Variants in PSG5 observed in about 807,000 individuals in gnomAD.
PSG5 encodes the protein pregnancy-specific beta-1-glycoprotein 5.
PSG5 carries 53 observed loss-of-function variants against 37.7 expected under a neutral mutation model. That is an observed-to-expected ratio of 1.41 (90% confidence interval 1.13 to 1.77). The LOEUF (loss-of-function observed/expected upper bound fraction) is 1.77, where lower values mean the gene tolerates loss of function less well. PSG5 is among the 40% of genes most tolerant of loss of function. PSG5 has a pLI of 0.00. For synonymous variants in PSG5, 221 were observed against 155.4 expected (o/e 1.42, Z -3.14); for missense variants, 547 against 405.2 (o/e 1.35, Z -3.00).
intron 2 of PSG5, among the ~76,000 whole-genome samples, chr19:43,182,187 C>G (rs1969142402): frequency 6.6e-6 from 1 of 151,722 alleles, no homozygotes; most frequent in African/African-American, 2.4e-5. Flanking sequence ...CCTTACTTTG[C>G]CCAGGGATGG....
chr19:43,169,021 T>G (rs945726449), intron 5 of PSG5, among the ~76,000 whole-genome samples: 17 of 151,666 alleles, frequency 1.1e-4, no homozygotes, highest in African/African-American at 2.2e-4. Flanking sequence ...ACCAATGCCT[T>G]GGTCCCTCTC....
chr19:43,173,956 A>G (rs62112143), intron 4 of PSG5, among the ~76,000 whole-genome samples: 2 of 151,712 alleles, frequency 1.3e-5, no homozygotes, highest in Non-Finnish European at 2.9e-5. Flanking sequence ...AAAAAATGGA[A>G]ACAACTGAAA....
chr19:43,181,188 C>G (rs1210895772), intron 2 of PSG5, among the ~76,000 whole-genome samples: 1 of 151,592 alleles, frequency 6.6e-6, no homozygotes, highest in Non-Finnish European at 1.5e-5. Flanking sequence ...CTGGCCACCT[C>G]CAACTGGTCC....
rs199530974 is a variant in PSG5 at position 43,175,321 on chromosome 19, G to C, written c.858C>G (p.Leu286=). 101 of 1,612,738 alleles carry C rather than the reference G, an allele frequency of 6.3e-5. 1 individual carries two copies. Among genetic ancestry groups the C allele is most frequent in the Non-Finnish European group, 8.0e-5 (94 of 1,179,248 alleles). Residue 286 remains leucine, a synonymous_variant, in exon 4 of 6, where the codon CTC becomes CTG. Transcript: ENST00000342951. The part of the protein sequence containing the change: ...NGKFQQSGQK[L]SIPQITTKHR... The stretch of plus-strand genomic sequence containing the variant: ...GCTTTGTAGTAATTTGGGGGATAGA[G>C]AGCTTTTGTCCTGATTGCTGAAACT...
intron 4 of PSG5, among the ~76,000 whole-genome samples, chr19:43,173,129 C>A (rs1462467327): frequency 6.6e-6 from 1 of 151,576 alleles, no homozygotes; most frequent in Non-Finnish European, 1.5e-5. Context: ...GGGGAACGGA[C>A]AGTGTTCTCA....
rs755484292 is a variant in PSG5, at chr19:43,186,336, C to T, written c.64+6G>A. On this transcript the variant is annotated splice_donor_region_variant and intron_variant, in intron 1 of 5. Coordinates refer to ENST00000342951, the MANE Select transcript of PSG5 (RefSeq NM_002781.4). ...CCTGTCCTCTCCCAGGAAGTTCTCT[C>T]CTCACCTGTGAGCAGGAGCCCCTTC... 13 of 1,612,078 alleles carry T rather than the reference C, an allele frequency of 8.1e-6. No individual in the cohort carries two copies. Among genetic ancestry groups the T allele is most frequent in the East Asian group, 4.5e-5 (2 of 44,796 alleles).
rs749037550 is a variant in PSG5, at chr19:43,184,892, A to C, written c.320T>G (p.Leu107Arg). The C allele has an allele frequency of 6.2e-7, 1 of 1,612,654 alleles. No homozygotes were observed. The highest frequency in any genetic ancestry group is 8.5e-7 in the Non-Finnish European group (1 of 1,179,196). Residue 107 changes from leucine to arginine, a missense_variant, in exon 2 of 6, where the codon CTG becomes CGG. Coordinates refer to ENST00000342951, the MANE Select transcript of PSG5 (RefSeq NM_002781.4). ...TTCCCGGGTGACATTCTGGATCAGC[A>C]GGGATGCATTGGAATATACTGTTTC... ...GRETVYSNAS[L>R]LIQNVTREDA...
intron 2 of PSG5, among the ~76,000 whole-genome samples, chr19:43,178,137 TC>T (rs1969050646): frequency 6.6e-6 from 1 of 151,612 alleles, no homozygotes; most frequent in Non-Finnish European, 1.5e-5. Flanking sequence ...ATTTTCCCTC[TC>T]CCTTTGCAGA....
In PSG5 at chr19:43,185,858, C is replaced by CCCTGATGATTAATCAGGAAAA. The variant is rs1213028599; in HGVS notation, c.64+483_64+484insTTTTCCTGATTAATCATCAGG. On this transcript the variant is annotated intron_variant, in intron 1 of 5. Transcript: ENST00000342951. ...TTATCATTTTTCAAAATGTCGTGGC[C>CCCTGATGATTAATCAGGAAAA]CTCTTACCAATTCCGGTTCAATATG... Among the ~76,000 whole-genome samples, 43 of 142,070 alleles carry CCCTGATGATTAATCAGGAAAA rather than the reference C, an allele frequency of 3.0e-4. 2 individuals carry two copies. The highest frequency in any genetic ancestry group is 4.2e-4 in the Admixed American group (6 of 14,316). The allele number at this position is 142,070 out of a possible 152,430, so 93.2% of individuals were successfully genotyped here. A position where few individuals can be genotyped will look rare whatever the true frequency, so the allele number is the denominator to read the frequency against.
At chr19:43,169,895 C>T (rs954077623) in intron 5 of PSG5, 160 bp downstream of exon 5, 7 of 464,970 alleles carry the variant, frequency 1.5e-5, no homozygotes, top group African/African-American at 1.2e-4. Flanking sequence ...AGCATAAAGG[C>T]CAGGGAGAAA....
At chr19:43,174,431 C>A (rs968607731) in intron 4 of PSG5, 3 of 825,428 alleles carry the variant, frequency 3.6e-6, no homozygotes, top group Non-Finnish European at 4.4e-6. Flanking sequence ...CATGCAGAGC[C>A]CCAGGGGTGA....
intron 2 of PSG5, among the ~76,000 whole-genome samples, chr19:43,177,504 G>GC (rs1969035467): frequency 6.7e-6 from 1 of 149,962 alleles, no homozygotes; most frequent in African/African-American, 2.5e-5. Flanking sequence ...ATATATTCCT[G>GC]CCCTTTTTTT....
Position 43,175,973 on chromosome 19 carries a change from G to T in PSG5, c.606C>A (p.Leu202=). The change falls in exon 3 of 6, where the codon CTC becomes CTA. Residue 202 remains leucine (L), a synonymous_variant. Transcript: ENST00000342951. Reference sequence around the variant, plus strand: ...CATTTCTCGTGACACTGGGTAGAATGAGGATCCTGTTTTCAATGGGTCGCT... The same window carrying T: ...CATTTCTCGTGACACTGGGTAGAATTAGGATCCTGTTTTCAATGGGTCGCT... ...RVKRPIENRI[L]ILPSVTRNET... 2 of 1,611,926 alleles carry T rather than the reference G, an allele frequency of 1.2e-6. No homozygotes were observed. Among genetic ancestry groups the T allele is most frequent in the Non-Finnish European group, 1.7e-6 (2 of 1,179,168 alleles).
chr19:43,174,144 A>G (rs1382679187), intron 4 of PSG5: 2 of 151,766 alleles, frequency 1.3e-5, no homozygotes, highest in Non-Finnish European at 1.5e-5. Context: ...TTCCATTTAT[A>G]AAAGATAGTT....
chr19:43,185,509 G>T lies in PSG5; in HGVS notation c.65-362C>A, dbSNP rs186634885. Among the ~76,000 whole-genome samples, 79 of 149,320 alleles carry T rather than the reference G, an allele frequency of 5.3e-4. 2 individuals carry two copies. Among genetic ancestry groups the T allele is most frequent in the Admixed American group, 4.6e-3 (68 of 14,896 alleles). On this transcript the variant is annotated intron_variant, in intron 1 of 5. Coordinates refer to ENST00000342951, the MANE Select transcript of PSG5 (RefSeq NM_002781.4). Reference sequence around the variant, plus strand: ...CTTCTTTCCTGACACGTCCTTCAGAGACCCTGGGTCTTCCCTTTCTGACCT... The same window carrying T: ...CTTCTTTCCTGACACGTCCTTCAGATACCCTGGGTCTTCCCTTTCTGACCT...
chr19:43,171,143 A>G (rs2122201392), intron 4 of PSG5: 1 of 151,706 alleles, frequency 6.6e-6, no homozygotes, highest in South Asian at 2.1e-4. Context: ...GAAGCTTATC[A>G]TGGTGTAAAA....
intron 2 of PSG5, among the ~76,000 whole-genome samples, chr19:43,181,464 C>A (rs1333678823): frequency 4.6e-5 from 7 of 151,478 alleles, no homozygotes; most frequent in Admixed American, 4.0e-4. Flanking sequence ...TCTCTAACAG[C>A]ATTTTTTTTT....
intron 2 of PSG5, among the ~76,000 whole-genome samples, chr19:43,176,499 A>G (rs1177654752): frequency 6.6e-6 from 1 of 151,528 alleles, no homozygotes; most frequent in Non-Finnish European, 1.5e-5. Context: ...GGAATGTGCA[A>G]CTGCTGGGCC....
chr19:43,176,564 C>T (rs1184139487), intron 2 of PSG5, among the ~76,000 whole-genome samples: 4 of 151,598 alleles, frequency 2.6e-5, no homozygotes, highest in African/African-American at 9.7e-5. Flanking sequence ...CTGCAGCTCC[C>T]ATTTCCAAGG....
Sources: gnomAD v4.1 joint callset for allele counts (sites outside exome capture counted in the v4.1 genomes callset) on GRCh38, gnomAD v4.1.1 for gene constraint, MANE v1.5 for transcripts, NCBI Gene and HGNC (gene_info 2026-07-23, HGNC 2026-07-21) for gene names.